The following ERBB4 variants were observed in gnomAD, a reference collection of about 807,000 sequenced individuals.
ERBB4 encodes the protein erb-b2 receptor tyrosine kinase 4.
A neutral mutation model predicts 158.0 loss-of-function variants in ERBB4; 42 were observed. That is an observed-to-expected ratio of 0.27 (90% CI 0.21 to 0.34). ERBB4 has a LOEUF of 0.34. ERBB4 is among the 10% of genes least tolerant of loss of function. The probability of loss-of-function intolerance (pLI) is 1.00; values close to 1 mark genes in which losing one functional copy is unlikely to be tolerated. For missense variants in ERBB4, 1,333 were observed against 1,624.1 expected, an observed-to-expected ratio of 0.82 and a Z score of 3.08; for synonymous variants, 583 against 558.7, an observed-to-expected ratio of 1.04 and a Z score of -0.61.
chr2:212,181,116 T>C (rs1162447471), intron 1 of ERBB4, among the ~76,000 whole-genome samples: 1 of 151,692 alleles, frequency 6.6e-6, no homozygotes, highest in African/African-American at 2.4e-5. Context: ...TCACTAAGTG[T>C]AGACCCATAA....
chr2:211,524,706 C>G (rs2066295217), intron 20 of ERBB4, among the ~76,000 whole-genome samples: 1 of 152,106 alleles, frequency 6.6e-6, no homozygotes, highest in Admixed American at 6.5e-5. Flanking sequence ...ACCCGGAACT[C>G]CAGCTGGCCC....
chr2:212,234,857 G>A (rs561889344), intron 1 of ERBB4, among the ~76,000 whole-genome samples: 1 of 151,988 alleles, frequency 6.6e-6, no homozygotes, highest in Admixed American at 6.6e-5. Context: ...GTTTTTCTTT[G>A]TAGATTCTGG....
chr2:212,391,370 G>GCCTA (rs1476606946), intron 1 of ERBB4, among the ~76,000 whole-genome samples: 1 of 151,266 alleles, frequency 6.6e-6, no homozygotes, highest in African/African-American at 2.4e-5. Flanking sequence ...TGTCAGCAGT[G>GCCTA]CCTAGTACAA....
At chr2:211,467,171 C>T (rs1331269509) in intron 20 of ERBB4, among the ~76,000 whole-genome samples, 5 of 152,180 alleles carry the variant, frequency 3.3e-5, no homozygotes, top group Admixed American at 1.3e-4. Context: ...TTGATAGTAA[C>T]GTACCTTTTC....
rs548427038 is a variant in ERBB4, at chr2:211,665,994, T to C, written c.1717-517A>G. ...ATGAGAAAAGGGATATAATAGAAAT[T>C]AACTAAAACTGAATTTCATATAAGA... On this transcript the variant is annotated intron_variant, in intron 14 of 27. Transcript: ENST00000342788. 2.0e-5 allele frequency among the ~76,000 whole-genome samples: 3 copies of C among 152,332 alleles called. No homozygotes were observed. In the East Asian group the frequency reaches 5.8e-4, roughly 29 times the overall value.
At chr2:211,936,229 TA>T (rs34640943) in intron 3 of ERBB4, among the ~76,000 whole-genome samples, 4,239 of 147,838 alleles carry the variant, frequency 0.029, 86 homozygotes, top group Admixed American at 0.059. Context: ...GACCGCCACT[TA>T]AAAAAAAAAG....
At chr2:211,430,643 C>T (rs1158609426) in intron 21 of ERBB4, among the ~76,000 whole-genome samples, 4 of 152,168 alleles carry the variant, frequency 2.6e-5, no homozygotes, top group Admixed American at 1.3e-4. Context: ...TAAGGATCCA[C>T]CCACTTTCCA....
At chr2:212,089,830 T>C (rs951802535) in intron 2 of ERBB4, among the ~76,000 whole-genome samples, 3 of 152,188 alleles carry the variant, frequency 2.0e-5, no homozygotes, top group African/African-American at 7.2e-5. Flanking sequence ...TTTGTGAGTT[T>C]GTTTCATCCA....
At chr2:211,640,225 T>A (rs138902989) in intron 16 of ERBB4, among the ~76,000 whole-genome samples, 1,637 of 152,312 alleles carry the variant, frequency 0.011, 28 homozygotes, top group Admixed American at 0.035. Context: ...GTATCACTAC[T>A]CTTTATTCAG....
chr2:211,891,655 A>G (rs200138510), intron 3 of ERBB4, among the ~76,000 whole-genome samples: 1,108 of 107,958 alleles, frequency 0.01, 1 homozygote, highest in East Asian at 0.021. Flanking sequence ...TTGATAGACC[A>G]CTAGCAAGAC....
intron 1 of ERBB4, among the ~76,000 whole-genome samples, chr2:212,497,236 A>G (rs1369794821): frequency 1.3e-5 from 2 of 152,084 alleles, no homozygotes. Context: ...TAAAAAAACA[A>G]TATTTATAGT....
At chr2:211,907,427 T>C (rs996430293) in intron 3 of ERBB4, among the ~76,000 whole-genome samples, 14 of 151,522 alleles carry the variant, frequency 9.2e-5, no homozygotes, top group African/African-American at 3.1e-4. Flanking sequence ...TTTTTTTTTT[T>C]CCTTTGGTTA....
chr2:212,188,241 CCTCTCA>C (rs1559691859), intron 1 of ERBB4, among the ~76,000 whole-genome samples: 8 of 26,594 alleles, frequency 3.0e-4, no homozygotes, highest in South Asian at 2.6e-3. Context: ...TCTCCCCCCC[CCTCTCA>C]CCCCCTCCCT....
intron 25 of ERBB4, among the ~76,000 whole-genome samples, chr2:211,405,088 T>A (rs2063121042): frequency 6.6e-6 from 1 of 152,154 alleles, no homozygotes; most frequent in Non-Finnish European, 1.5e-5. Context: ...ATACCTGTGG[T>A]AGATATTATT....
At chr2:211,406,860 T>G (rs956547182) in intron 25 of ERBB4, among the ~76,000 whole-genome samples, 2 of 152,120 alleles carry the variant, frequency 1.3e-5, no homozygotes, top group Non-Finnish European at 2.9e-5. Flanking sequence ...GTGGGTAGAT[T>G]GCTTGAGCCC....
At chr2:212,077,408 A>C (rs1575601980) in intron 2 of ERBB4, among the ~76,000 whole-genome samples, 1 of 152,128 alleles carries the variant, frequency 6.6e-6, no homozygotes, top group East Asian at 1.9e-4. Context: ...TAAATAAATT[A>C]TGATATATTT....
At chr2:212,060,593 T>A (rs1001632692) in intron 2 of ERBB4, among the ~76,000 whole-genome samples, 10 of 137,234 alleles carry the variant, frequency 7.3e-5, no homozygotes, top group Non-Finnish European at 1.4e-4. Context: ...GGATTAAGAG[T>A]ATGTGGCACA....
intron 20 of ERBB4, among the ~76,000 whole-genome samples, chr2:211,510,067 T>C (rs1185193973): frequency 6.6e-6 from 1 of 152,086 alleles, no homozygotes; most frequent in Admixed American, 6.5e-5. Flanking sequence ...AGAACTACCA[T>C]TCAATCTACT....
At position 211,992,893 on chromosome 2, in the gene ERBB4, C is replaced by T. The variant is rs933319024; in HGVS notation, c.235-45277G>A. Among the ~76,000 whole-genome samples, 9 of 152,026 alleles carry T rather than the reference C, an allele frequency of 5.9e-5. 1 individual carries two copies. The highest frequency in any genetic ancestry group is 1.4e-4 in the African/African-American group (6 of 41,414). ...CCAATTTAACTAACAACAAAAAAGG[C>T]GAAATAATTTTTAGCCTTATATATT... On this transcript the variant is annotated intron_variant, in intron 2 of 27. Coordinates refer to ENST00000342788, the MANE Select transcript of ERBB4 (RefSeq NM_005235.3).
Sources: allele counts gnomAD v4.1 joint callset (sites outside exome capture counted in the v4.1 genomes callset), GRCh38; gene constraint gnomAD v4.1.1; transcripts MANE v1.5; gene names NCBI Gene and HGNC (gene_info 2026-07-23, HGNC 2026-07-21).